The following GART variants were observed in gnomAD, a reference collection of about 807,000 sequenced individuals.
The protein encoded by GART is phosphoribosylglycinamide formyltransferase, phosphoribosylglycinamide synthetase, phosphoribosylaminoimidazole synthetase, also known as trifunctional purine biosynthetic protein adenosine-3.
In GART, 43 loss-of-function variants were observed where a neutral mutation model predicts 107.2. The ratio of observed to expected loss-of-function variants is 0.40; its 90% confidence interval spans 0.31 to 0.52. GART has a LOEUF of 0.52. GART is among the 20% of genes least tolerant of loss of function. GART has a pLI of 0.52. For synonymous variants in GART, 434 were observed against 427.0 expected, an observed-to-expected ratio of 1.02 and a Z score of -0.20; for missense variants, 1,107 against 1,206.5, an observed-to-expected ratio of 0.92 and a Z score of 1.22.
intron 10 of GART, among the ~76,000 whole-genome samples, chr21:33,526,590 C>A (rs1388726970): frequency 6.6e-6 from 1 of 151,548 alleles, no homozygotes; most frequent in Non-Finnish European, 1.5e-5. Flanking sequence ...TTCAGTATAA[C>A]CAATATGATC....
Position 33,509,891 on chromosome 21 carries a change from T to A in GART, c.2344A>T (p.Ile782Phe). The A allele has an allele frequency of 6.2e-7, 1 of 1,613,544 alleles. No homozygotes were observed. The highest frequency in any genetic ancestry group is 8.5e-7 in the Non-Finnish European group (1 of 1,179,758). The change falls in exon 18 of 22, where the codon ATT becomes TTT. Residue 782 changes from isoleucine to phenylalanine, a missense_variant. Physicochemically the swap from Ile to Phe is conservative, Grantham distance 21 (BLOSUM62 0). Transcript: ENST00000381815. ...GSPRVKVKNL[I>F]ESMQINGSVL... Reference sequence around the variant, plus strand: ...GACCCATTTATTTGCATGCTTTCAATCAGATTCTTGACTTTCACACGTGGG... The same window carrying A: ...GACCCATTTATTTGCATGCTTTCAAACAGATTCTTGACTTTCACACGTGGG...
At chr21:33,531,722 T>C (rs907223485) in intron 5 of GART, 165 bp from the exon 6 acceptor site, 6 of 614,754 alleles carry the variant, frequency 9.8e-6, no homozygotes, top group Non-Finnish European at 1.7e-5. Flanking sequence ...TATAAATGTT[T>C]CCTATTTTTA....
chr21:33,508,317 C>A (rs1048420335), intron 18 of GART, among the ~76,000 whole-genome samples: 3 of 151,496 alleles, frequency 2.0e-5, no homozygotes, highest in East Asian at 1.9e-4. Flanking sequence ...ATGACTCTTA[C>A]AATAGTTTCT....
In GART at chr21:33,542,092, C is replaced by T. The variant is rs2085447339; in HGVS notation, c.-69G>A. The T allele has an allele frequency of 1.3e-5, 2 of 152,274 alleles. No individual in the cohort carries two copies. Among genetic ancestry groups the T allele is most frequent in the South Asian group, 2.1e-4 (1 of 4,842 alleles). 9.4% of individuals were successfully genotyped at this position (152,274 alleles called of 1,614,324 possible). On this transcript the variant is annotated 5_prime_UTR_variant, in exon 1 of 22. Coordinates refer to ENST00000381815, the MANE Select transcript of GART (RefSeq NM_000819.5). ...ACACCGGGTGGCCACCTGGTTCCCG[C>T]TTGCCCGCTCGCCGGAAGTCGGCCC...
At chr21:33,541,213 C>T (rs112818978) in intron 1 of GART, among the ~76,000 whole-genome samples, 1,890 of 152,292 alleles carry the variant, frequency 0.012, 25 homozygotes, top group African/African-American at 0.029. Context: ...GGTGTGATCT[C>T]AGCTCACTAC....
chr21:33,517,133 G>A lies in GART; in HGVS notation c.1963C>T (p.Leu655Phe), dbSNP rs746683544. The change falls in exon 16 of 22, where the codon CTT becomes TTT. Residue 655 changes from leucine to phenylalanine, a missense_variant. Coordinates refer to ENST00000381815, the MANE Select transcript of GART (RefSeq NM_000819.5). ...CTGTAGATTCTGGTAGGCGTGAGAAGTAAGTCCCCTGCATGTTGAAGAGAG... is the reference window on the plus strand; with the variant it reads ...CTGTAGATTCTGGTAGGCGTGAGAAATAAGTCCCCTGCATGTTGAAGAGAG... Reference protein sequence around the residue: ...GCGDQTLGDLLLTPTRIYSHS... With the variant: ...GCGDQTLGDLFLTPTRIYSHS... 32 of 1,605,966 alleles carry A rather than the reference G, an allele frequency of 2.0e-5. No homozygotes were observed. Among genetic ancestry groups the A allele is most frequent in the Non-Finnish European group, 2.5e-5 (30 of 1,177,962 alleles).
At chr21:33,523,107 G>A (rs528399144) in intron 11 of GART, among the ~76,000 whole-genome samples, 10 of 152,284 alleles carry the variant, frequency 6.6e-5, no homozygotes, top group Admixed American at 6.5e-4. Context: ...TACATTTAGA[G>A]ATCAAATTTT....
intron 4 of GART, among the ~76,000 whole-genome samples, chr21:33,533,150 G>C (rs958182210): frequency 6.6e-6 from 1 of 152,102 alleles, no homozygotes; most frequent in South Asian, 2.1e-4. Flanking sequence ...ATTTAAAATT[G>C]CAATAGTGGC....
chr21:33,516,010 G>A (rs2084870736), intron 16 of GART, among the ~76,000 whole-genome samples: 1 of 152,070 alleles, frequency 6.6e-6, no homozygotes, highest in Non-Finnish European at 1.5e-5. Context: ...TACTTTGGGA[G>A]GCTGAGGCGG....
chr21:33,538,974 G>C (rs1262546918), intron 2 of GART, among the ~76,000 whole-genome samples, 197 bp downstream of exon 2: 4 of 151,980 alleles, frequency 2.6e-5, no homozygotes, highest in African/African-American at 9.7e-5. Flanking sequence ...TAAAGACGGG[G>C]TTTCACCATG....
At chr21:33,534,326 C>T (rs2085260578) in intron 4 of GART, among the ~76,000 whole-genome samples, 1 of 152,064 alleles carries the variant, frequency 6.6e-6, no homozygotes, top group Non-Finnish European at 1.5e-5. Context: ...GATCCTCCCA[C>T]CTTGGCCTTT....
chr21:33,519,986 C>T (rs527475491), intron 14 of GART, among the ~76,000 whole-genome samples: 13 of 151,834 alleles, frequency 8.6e-5, no homozygotes, highest in Non-Finnish European at 1.3e-4. Context: ...AGTTAAGATC[C>T]GGAATGCCAG....
At chr21:33,538,691 G>A (rs556274887) in intron 2 of GART, among the ~76,000 whole-genome samples, 6 of 152,130 alleles carry the variant, frequency 3.9e-5, no homozygotes, top group Non-Finnish European at 5.9e-5. Flanking sequence ...TGAACAATAG[G>A]TTACCTTAAG....
At chr21:33,518,639 C>A in intron 14 of GART, 1 of 386,616 alleles carries the variant, frequency 2.6e-6, no homozygotes, top group Non-Finnish European at 5.0e-6. Flanking sequence ...CTCCTAGTTA[C>A]TTCATATTTT....
chr21:33,525,370 CAAAT>C (rs1272718588), intron 10 of GART, among the ~76,000 whole-genome samples: 3 of 152,118 alleles, frequency 2.0e-5, no homozygotes, highest in African/African-American at 4.8e-5. Context: ...ACCCTGTCTC[CAAAT>C]AAATAAATAC....
At chr21:33,512,946 C>G (rs917653292) in intron 16 of GART, among the ~76,000 whole-genome samples, 2 of 150,496 alleles carry the variant, frequency 1.3e-5, no homozygotes, top group African/African-American at 2.4e-5. Flanking sequence ...GACAGAGTAT[C>G]TCTCTGTCGT....
Position 33,535,312 on chromosome 21 carries a change from T to C in GART, c.154A>G (p.Ile52Val). The C allele has an allele frequency of 2.6e-6, 4 of 1,547,948 alleles. No individual in the cohort carries two copies. The highest frequency in any genetic ancestry group is 1.4e-5 in the African/African-American group (1 of 70,638). ...TGAGCAAGGGCAGTGTGGTCACTGA[T>C]TGAGATGGCTGTAAACAGAAAAAAA... ...SEKISNTAIS[I>V]SDHTALAQFC... Residue 52 changes from isoleucine (I) to valine (V), a missense_variant, in exon 3 of 22, where the codon ATC (isoleucine) becomes GTC (valine). Transcript: ENST00000381815.
At chr21:33,515,995 C>T (rs2084870484) in intron 16 of GART, among the ~76,000 whole-genome samples, 1 of 152,088 alleles carries the variant, frequency 6.6e-6, no homozygotes, top group Non-Finnish European at 1.5e-5. Context: ...TGCCTGTAAT[C>T]CCAGTACTTT....
intron 2 of GART, among the ~76,000 whole-genome samples, chr21:33,536,587 TAA>T (rs1329116255): frequency 1.3e-5 from 2 of 152,384 alleles, no homozygotes; most frequent in Non-Finnish European, 2.9e-5. Flanking sequence ...ACACCTATGA[TAA>T]AGTTTAATTT....
Sources: allele counts gnomAD v4.1 joint callset (sites outside exome capture counted in the v4.1 genomes callset), GRCh38; gene constraint gnomAD v4.1.1; transcripts MANE v1.5; gene names NCBI Gene and HGNC (gene_info 2026-07-23, HGNC 2026-07-21).